PFKFB3: variants seen among roughly 807,000 people sequenced by gnomAD.
PFKFB3 encodes the protein 6-phosphofructo-2-kinase/fructose-2,6-biphosphatase 3.
Under a neutral mutation model 68.0 loss-of-function variants are expected in PFKFB3, and 33 were observed. The observed-to-expected ratio is 0.49, with a 90% confidence interval of 0.37 to 0.65. PFKFB3 has a LOEUF of 0.65. Among genes scored for constraint, PFKFB3 ranks in the 30% least tolerant of loss-of-function variants. The pLI is 0.00. For missense variants in PFKFB3, 586 were observed against 712.2 expected (o/e 0.82, Z 2.02); for synonymous variants, 315 against 288.2 (o/e 1.09, Z -0.94).
the PFKFB3 span, among the ~76,000 whole-genome samples, chr10:6,301,143 T>C: frequency 2.0e-5 from 3 of 152,184 alleles, no homozygotes; most frequent in African/African-American, 4.8e-5. Flanking sequence ...TTCCTATAAT[T>C]TGGGGGGAGA....
At chr10:6,251,670 G>C (rs1420350077) in intron 14 of PFKFB3, among the ~76,000 whole-genome samples, 1 of 151,676 alleles carries the variant, frequency 6.6e-6, no homozygotes, top group Non-Finnish European at 1.5e-5. Flanking sequence ...GATGGAAAGA[G>C]ACAAATAAGA....
At chr10:6,225,896 G>T (rs1845315703) in intron 13 of PFKFB3, among the ~76,000 whole-genome samples, 1 of 152,162 alleles carries the variant, frequency 6.6e-6, no homozygotes, top group Non-Finnish European at 1.5e-5. Context: ...CTCACGCTCT[G>T]CTGTGATCAT....
intron 1 of PFKFB3, among the ~76,000 whole-genome samples, chr10:6,148,159 G>T (rs570091263): frequency 6.6e-6 from 1 of 152,324 alleles, no homozygotes; most frequent in Admixed American, 6.5e-5. Context: ...TCCAGCAAGT[G>T]CCAGGGAGGG....
At chr10:6,240,140 A>G (rs1055846839), downstream of PFKFB3, among the ~76,000 whole-genome samples, 3 of 152,192 alleles carry the variant, frequency 2.0e-5, no homozygotes, top group Non-Finnish European at 2.9e-5. Context: ...TATTTATCTC[A>G]TGCTCAGTGC....
intron 14 of PFKFB3, among the ~76,000 whole-genome samples, chr10:6,247,684 A>G (rs1424482191): frequency 6.6e-6 from 1 of 151,732 alleles, no homozygotes; most frequent in East Asian, 1.9e-4. Flanking sequence ...GACCCATTCC[A>G]CTTCCGTGAT....
At chr10:6,187,815 A>T (rs996664538) in intron 1 of PFKFB3, among the ~76,000 whole-genome samples, 1 of 152,122 alleles carries the variant, frequency 6.6e-6, no homozygotes, top group Non-Finnish European at 1.5e-5. Context: ...AACATTTCTG[A>T]GTTTTAGCTG....
chr10:6,222,543 C>T (rs537877093), intron 10 of PFKFB3, among the ~76,000 whole-genome samples: 1 of 152,312 alleles, frequency 6.6e-6, no homozygotes, highest in African/African-American at 2.4e-5. Flanking sequence ...CGTCTGCTTC[C>T]TGCATCTGGA....
rs575702876 is a variant in PFKFB3 at position 6,216,610 on chromosome 10, C to A, written c.367-96C>A. On this transcript the variant is annotated intron_variant, in intron 4 of 14. Coordinates refer to ENST00000379775, the MANE Select transcript of PFKFB3 (RefSeq NM_004566.4). ...CCCTGAAGCACTTTTGGGGCTTATTCCTGGAGATGATGGGTCTGGCATCTT... is the reference window on the plus strand; with the variant it reads ...CCCTGAAGCACTTTTGGGGCTTATTACTGGAGATGATGGGTCTGGCATCTT... 4.6e-6 allele frequency: 4 copies of A among 876,794 alleles called. No homozygotes were observed. In the Admixed American group the frequency reaches 5.4e-5, roughly 12 times the overall value. The allele number at this position is 876,794 out of a possible 1,614,324, so 54.3% of individuals were successfully genotyped here.
chr10:6,226,461 G>T, intron 14 of PFKFB3, 96 bp downstream of exon 14: 2 of 1,174,304 alleles, frequency 1.7e-6, no homozygotes, highest in East Asian at 2.5e-5. Flanking sequence ...GCAAGAATAC[G>T]TGCGTGGGTG....
At chr10:6,276,470 C>T in the PFKFB3 span, among the ~76,000 whole-genome samples, 10 of 151,958 alleles carry the variant, frequency 6.6e-5, no homozygotes, top group South Asian at 2.1e-3. Context: ...TATCATTTAG[C>T]TGCAGACAGG....
the PFKFB3 span, among the ~76,000 whole-genome samples, chr10:6,272,738 G>A: frequency 4.6e-5 from 7 of 152,060 alleles, no homozygotes; most frequent in African/African-American, 1.4e-4. Flanking sequence ...CCCCAGCCGC[G>A]CTGTGCTTTC....
At chr10:6,288,666 G>T in the PFKFB3 span, among the ~76,000 whole-genome samples, 1 of 151,602 alleles carries the variant, frequency 6.6e-6, no homozygotes. Context: ...ATAAACATAC[G>T]TGTGCATGTG....
At chr10:6,189,797 G>A (rs1170883646) in intron 1 of PFKFB3, among the ~76,000 whole-genome samples, 2 of 152,016 alleles carry the variant, frequency 1.3e-5, no homozygotes, top group Non-Finnish European at 2.9e-5. Context: ...TTACAGGCGT[G>A]AGCCACTGCA....
rs565048446 is a variant in PFKFB3 at position 6,228,946 on chromosome 10, G to A, written c.1515+2581G>A. On this transcript the variant is annotated intron_variant, in intron 14 of 14. Coordinates refer to ENST00000379775, the MANE Select transcript of PFKFB3 (RefSeq NM_004566.4). This position sits in a 1 kb window ranked among gnomAD's most constrained non-coding sequence, Gnocchi z 4.5. ...GCAGCCACTGGGTAGCTGGGGCTGT[G>A]TTCCCACTGCTCTGGGATCCCTTCC... is the stretch of plus-strand genomic sequence containing the variant. Among the ~76,000 whole-genome samples, 2 of 152,188 alleles carry A rather than the reference G, an allele frequency of 1.3e-5. No homozygotes were observed. Among genetic ancestry groups the A allele is most frequent in the Non-Finnish European group, 2.9e-5 (2 of 68,036 alleles).
At position 6,225,309 on chromosome 10, in the gene PFKFB3, C is replaced by T. The variant is rs946852207; in HGVS notation, c.1342-883C>T. 25 of 421,920 alleles carry T rather than the reference C, an allele frequency of 5.9e-5. No individual in the cohort carries two copies. The Middle Eastern group carries it at 1.4e-3, about 24-fold the overall frequency. The allele number at this position is 421,920 out of a possible 1,614,324, so 26.1% of individuals were successfully genotyped here. A position where few individuals can be genotyped will look rare whatever the true frequency, so the allele number is the denominator to read the frequency against. On this transcript the variant is annotated intron_variant, in intron 13 of 14. Transcript: ENST00000379775. ...TTTTGGCATGAAGGGATGAGGTGTC[C>T]GCCCCAGTCGCTGGCAGTTGCCTGG...
At chr10:6,170,303 A>G (rs1377528368) in intron 1 of PFKFB3, among the ~76,000 whole-genome samples, 1 of 152,230 alleles carries the variant, frequency 6.6e-6, no homozygotes. Context: ...GAAACGAGAG[A>G]GAACGCTAAT....
intron 1 of PFKFB3, among the ~76,000 whole-genome samples, chr10:6,183,829 A>G (rs1230882269): frequency 1.3e-5 from 2 of 151,064 alleles, no homozygotes; most frequent in Non-Finnish European, 3.0e-5. Context: ...TTGGGACTAC[A>G]GACAACTGCC....
In PFKFB3 at chr10:6,222,978, A is replaced by G. The variant is rs201735991; in HGVS notation, c.1207A>G (p.Ser403Gly). The change falls in exon 11 of 15, where the codon AGT becomes GGT. Residue 403 changes from serine to glycine, a missense_variant. Coordinates refer to ENST00000379775, the MANE Select transcript of PFKFB3 (RefSeq NM_004566.4). ...CCTGCTTGCCTACTTCCTGGATAAG[A>G]GTGCAGGTACCTCGGGCAGGTCGTG... The part of the protein sequence containing the change: ...RCLLAYFLDK[S>G]AEEMPYLKCP... 15 of 1,613,226 alleles carry G rather than the reference A, an allele frequency of 9.3e-6. No homozygotes were observed.
chr10:6,201,614 G>C (rs1206131473), upstream of PFKFB3, among the ~76,000 whole-genome samples: 2 of 152,100 alleles, frequency 1.3e-5, no homozygotes, highest in African/African-American at 4.8e-5. The surrounding 1 kb of genome is among the most constrained non-coding windows in gnomAD (Gnocchi z 4.1). Context: ...CCGCCTGGGC[G>C]CGGGCGCCCT....
Sources: gnomAD v4.1 joint callset for allele counts (sites outside exome capture counted in the v4.1 genomes callset) on GRCh38, gnomAD v4.1.1 for gene constraint, Gnocchi (gnomAD v3.1) non-coding constraint, MANE v1.5 for transcripts, NCBI Gene and HGNC (gene_info 2026-07-23, HGNC 2026-07-21) for gene names.